Variants in ANKRD12 observed in about 807,000 individuals in gnomAD.
The protein encoded by ANKRD12 is ankyrin repeat domain-containing protein 12.
ANKRD12 carries 85 observed loss-of-function variants against 183.4 expected under a neutral mutation model. That is an observed-to-expected ratio of 0.46 (90% CI 0.39 to 0.56). ANKRD12 has a LOEUF of 0.56. Among genes scored for constraint, ANKRD12 ranks in the 20% least tolerant of loss-of-function variants. The probability of loss-of-function intolerance (pLI) is 0.00; values close to 1 mark genes in which losing one functional copy is unlikely to be tolerated. For missense variants in ANKRD12, 2,405 were observed against 2,357.1 expected, an observed-to-expected ratio of 1.02 and a Z score of -0.42; for synonymous variants, 914 against 800.2, an observed-to-expected ratio of 1.14 and a Z score of -2.40.
chr18:9,146,669 A>G (rs1382918957), intron 1 of ANKRD12, among the ~76,000 whole-genome samples: 1 of 152,150 alleles, frequency 6.6e-6, no homozygotes, highest in African/African-American at 2.4e-5. Context: ...TCATTACCAT[A>G]TTTCTCCTTC....
At position 9,223,314 on chromosome 18, in the gene ANKRD12, C is replaced by T. The variant is rs143585235; in HGVS notation, c.943+1315C>T. Among the ~76,000 whole-genome samples, 340 of 151,290 alleles carry T rather than the reference C, an allele frequency of 2.2e-3. 1 individual carries two copies. The highest frequency in any genetic ancestry group is 0.018 in the Admixed American group (271 of 15,204). On this transcript the variant is annotated intron_variant, in intron 8 of 12. Transcript: ENST00000262126. ...TGTCGCCCTGGCTGGAGTGCAGTGGCGTGATCTCGGCTCACTGCAAGCTCC... is the reference window on the plus strand; with the variant it reads ...TGTCGCCCTGGCTGGAGTGCAGTGGTGTGATCTCGGCTCACTGCAAGCTCC...
intron 2 of ANKRD12, among the ~76,000 whole-genome samples, chr18:9,191,040 A>C (rs1166169572): frequency 6.6e-6 from 1 of 152,116 alleles, no homozygotes; most frequent in Non-Finnish European, 1.5e-5. Flanking sequence ...CATTTTTTCT[A>C]TCTTACTGAG....
chr18:9,208,617 G>C, intron 4 of ANKRD12, 40 bp from the exon 5 acceptor site: 1 of 1,564,780 alleles, frequency 6.4e-7, no homozygotes, highest in South Asian at 1.2e-5. Flanking sequence ...TGAGTACTTG[G>C]ATTTGTTTCA....
intron 8 of ANKRD12, among the ~76,000 whole-genome samples, chr18:9,252,716 G>A (rs995367633): frequency 2.4e-4 from 36 of 152,142 alleles, no homozygotes; most frequent in African/African-American, 8.4e-4. Flanking sequence ...TGTATTCCCA[G>A]CACTTTGGGA....
intron 9 of ANKRD12, among the ~76,000 whole-genome samples, chr18:9,261,679 C>A (rs998274891): frequency 6.6e-5 from 10 of 152,112 alleles, no homozygotes; most frequent in Non-Finnish European, 1.3e-4. Context: ...ACTTTTGCAC[C>A]AACCTAGAGT....
rs147117535 is a variant in ANKRD12, at chr18:9,191,395, T to C, written c.88-4156T>C. 6.3e-3 allele frequency among the ~76,000 whole-genome samples: 958 copies of C among 152,356 alleles called. 10 individuals carry two copies. The highest frequency in any genetic ancestry group is 0.021 in the African/African-American group (894 of 41,592). Reference sequence around the variant, plus strand: ...TGACATAACAAGTAGTTAGCAGTTATGATAGTTACACATCACCGTATTGCA... The same window carrying C: ...TGACATAACAAGTAGTTAGCAGTTACGATAGTTACACATCACCGTATTGCA... On this transcript the variant is annotated intron_variant, in intron 2 of 12. Coordinates refer to ENST00000262126, the MANE Select transcript of ANKRD12 (RefSeq NM_015208.5).
chr18:9,202,370 T>A (rs1202348870), intron 3 of ANKRD12, among the ~76,000 whole-genome samples: 1 of 152,230 alleles, frequency 6.6e-6, no homozygotes, highest in Non-Finnish European at 1.5e-5. Flanking sequence ...CAGATAGATA[T>A]AATTTTTCTG....
intron 8 of ANKRD12, among the ~76,000 whole-genome samples, chr18:9,225,899 GCT>G (rs999826033): frequency 2.0e-5 from 3 of 151,806 alleles, no homozygotes; most frequent in Non-Finnish European, 4.4e-5. Flanking sequence ...TTAATCTTTT[GCT>G]CTGTTTCCTT....
At chr18:9,195,295 TACATA>T (rs1223841857) in intron 2 of ANKRD12, among the ~76,000 whole-genome samples, 1 of 152,128 alleles carries the variant, frequency 6.6e-6, no homozygotes, top group Non-Finnish European at 1.5e-5. Context: ...GCAATTTACT[TACATA>T]ACAAACCTGC....
intron 1 of ANKRD12, among the ~76,000 whole-genome samples, chr18:9,155,994 G>A (rs2030369451): frequency 6.6e-6 from 1 of 151,960 alleles, no homozygotes; most frequent in African/African-American, 2.4e-5. Flanking sequence ...AATTAGCTGT[G>A]CATGGTATTG....
chr18:9,186,401 A>G (rs1483941345), intron 2 of ANKRD12, among the ~76,000 whole-genome samples: 1 of 152,182 alleles, frequency 6.6e-6, no homozygotes, highest in Non-Finnish European at 1.5e-5. Context: ...AAAGGGATGT[A>G]TTTATTCTCA....
At chr18:9,267,576 G>A (rs766123353) in intron 10 of ANKRD12, among the ~76,000 whole-genome samples, 43 of 152,126 alleles carry the variant, frequency 2.8e-4, no homozygotes, top group Non-Finnish European at 5.9e-4. Context: ...AGACCAACGA[G>A]AACAAAGACA....
chr18:9,144,480 A>G (rs531546403), intron 1 of ANKRD12, among the ~76,000 whole-genome samples: 5 of 152,244 alleles, frequency 3.3e-5, no homozygotes, highest in East Asian at 3.9e-4. Flanking sequence ...TCCCCTCCCT[A>G]TAGCTTTTGT....
intron 1 of ANKRD12, among the ~76,000 whole-genome samples, chr18:9,178,305 G>A (rs1296196244): frequency 6.8e-6 from 1 of 147,272 alleles, no homozygotes; most frequent in Non-Finnish European, 1.5e-5. Context: ...TCTGTGGAGT[G>A]AGGTAAGGAT....
At chr18:9,152,787 C>T (rs1428829698) in intron 1 of ANKRD12, among the ~76,000 whole-genome samples, 2 of 151,926 alleles carry the variant, frequency 1.3e-5, no homozygotes, top group East Asian at 1.9e-4. Context: ...TGTATATTTT[C>T]CCTCTAAGCC....
chr18:9,254,541 G>C lies in ANKRD12; in HGVS notation c.1274G>C (p.Ser425Thr). 6.4e-7 allele frequency: 1 copy of C among 1,552,434 alleles called. No individual in the cohort carries two copies. The highest frequency in any genetic ancestry group is 1.4e-5 in the African/African-American group (1 of 71,968). Residue 425 changes from serine to threonine, a missense_variant, in exon 9 of 13, where the codon AGT becomes ACT. Ser to Thr is a moderately conservative substitution (Grantham distance 58, BLOSUM62 1). Around this residue, in one of 7 missense-constraint regions of ANKRD12, gnomAD observed 1,983 missense variants for 1,725.9 expected, o/e 1.15. Coordinates refer to ENST00000262126, the MANE Select transcript of ANKRD12 (RefSeq NM_015208.5). ...AAGCCATCTAGGGTCTTATATTCAA[G>C]TACTGAAAGTTCTGATGAAGAAGCT... ...KQKPSRVLYS[S>T]TESSDEEALQ...
chr18:9,228,877 G>T (rs765622855), intron 8 of ANKRD12, among the ~76,000 whole-genome samples: 20 of 149,136 alleles, frequency 1.3e-4, no homozygotes, highest in Admixed American at 5.4e-4. Flanking sequence ...TAAAATCTTT[G>T]CCTAGACCAA....
chr18:9,168,475 C>T (rs542352742), intron 1 of ANKRD12, among the ~76,000 whole-genome samples: 15 of 152,242 alleles, frequency 9.9e-5, no homozygotes, highest in African/African-American at 3.6e-4. Flanking sequence ...GGAATTCATC[C>T]ATTTCTTCTT....
At chr18:9,216,657 G>A in intron 6 of ANKRD12, 101 bp from the exon 7 acceptor site, 1 of 1,174,366 alleles carries the variant, frequency 8.5e-7, no homozygotes, top group South Asian at 1.6e-5. Flanking sequence ...TGCACGATGT[G>A]CAGTTTTAGA....
Sources: gnomAD v4.1 joint callset for allele counts (sites outside exome capture counted in the v4.1 genomes callset) on GRCh38, gnomAD v4.1.1 for gene constraint, gnomAD v4.1.1 regional missense constraint, MANE v1.5 for transcripts, NCBI Gene and HGNC (gene_info 2026-07-23, HGNC 2026-07-21) for gene names.